Variants in PKHD1 observed in about 807,000 individuals in gnomAD.
The protein encoded by PKHD1 is PKHD1 ciliary IPT domain containing fibrocystin/polyductin.
PKHD1 carries 291 observed loss-of-function variants against 412.0 expected under a neutral mutation model. The ratio of observed to expected loss-of-function variants is 0.71; its 90% CI spans 0.64 to 0.78. The LOEUF (loss-of-function observed/expected upper bound fraction) is 0.78. PKHD1 is among the 30% of genes least tolerant of loss of function. The pLI, the probability that PKHD1 is intolerant of heterozygous loss-of-function variation, is 0.00. For missense variants in PKHD1, 4,825 were observed against 4,950.7 expected (o/e 0.97, Z 0.76); for synonymous variants, 1,777 against 1,821.5 (o/e 0.98, Z 0.62).
At chr6:52,058,654 C>A in intron 15 of PKHD1, 53 bp from the exon 16 acceptor site, 1 of 1,555,752 alleles carries the variant, frequency 6.4e-7, no homozygotes, top group South Asian at 1.1e-5. Context: ...CCAGGCATCT[C>A]TTTCTCAAAC....
chr6:52,059,265 T>C (rs867055603), intron 15 of PKHD1, among the ~76,000 whole-genome samples: 1,656 of 134,382 alleles, frequency 0.012, 21 homozygotes, highest in South Asian at 0.049. Flanking sequence ...TTTTCTTTTT[T>C]TTTTTTTTTT....
At chr6:51,762,585 G>A (rs1203933383) in intron 55 of PKHD1, among the ~76,000 whole-genome samples, 1 of 151,818 alleles carries the variant, frequency 6.6e-6, no homozygotes, top group African/African-American at 2.4e-5. Flanking sequence ...GATTGTGTAA[G>A]ATACAAGCTT....
At position 52,087,542 on chromosome 6, in the gene PKHD1, G is replaced by A. The variant is rs1487424495; in HGVS notation, c.-193C>T. 6.6e-6 allele frequency: 1 copy of A among 152,136 alleles called. No individual in the cohort carries two copies. The highest frequency in any genetic ancestry group is 1.5e-5 in the Non-Finnish European group (1 of 68,030). The allele number at this position is 152,136 out of a possible 1,614,324, so 9.4% of individuals were successfully genotyped here. A position where few individuals can be genotyped will look rare whatever the true frequency, so the allele number is the denominator to read the frequency against. On this transcript the variant is annotated 5_prime_UTR_variant, in exon 1 of 67. Coordinates refer to ENST00000371117, the MANE Select transcript of PKHD1 (RefSeq NM_138694.4). ...AATCCGTGGACATGTTATCTGGTTA[G>A]AGCTCAGCCTGCAGCCACCACGCAG...
intron 35 of PKHD1, among the ~76,000 whole-genome samples, chr6:51,997,253 A>G (rs561291107): frequency 3.9e-5 from 6 of 152,322 alleles, no homozygotes; most frequent in African/African-American, 1.4e-4. Flanking sequence ...GGGAAGAGAC[A>G]TGGAAAGAGC....
At chr6:51,739,189 CAT>C (rs952825797) in intron 60 of PKHD1, among the ~76,000 whole-genome samples, 51 of 148,800 alleles carry the variant, frequency 3.4e-4, no homozygotes, top group African/African-American at 1.2e-3. Flanking sequence ...TACACATACA[CAT>C]ATATATGTGT....
intron 62 of PKHD1, among the ~76,000 whole-genome samples, chr6:51,648,366 CTA>C (rs1456495915): frequency 2.0e-5 from 3 of 152,074 alleles, no homozygotes; most frequent in African/African-American, 7.2e-5. Context: ...GAAAGGAAAA[CTA>C]TGTTTATAGA....
chr6:52,042,280 A>G (rs571300821), intron 27 of PKHD1, among the ~76,000 whole-genome samples: 6 of 152,360 alleles, frequency 3.9e-5, no homozygotes, highest in African/African-American at 1.4e-4. Context: ...TCTAAGCTGC[A>G]GTCCTCTGGA....
At chr6:51,778,968 T>G (rs1194945795) in intron 53 of PKHD1, among the ~76,000 whole-genome samples, 2 of 152,124 alleles carry the variant, frequency 1.3e-5, no homozygotes, top group African/African-American at 2.4e-5. Context: ...TCCACCGTAA[T>G]TTATTCCTAA....
intron 36 of PKHD1, among the ~76,000 whole-genome samples, chr6:51,939,592 A>G (rs796451262): frequency 4.6e-5 from 7 of 151,624 alleles, no homozygotes; most frequent in African/African-American, 1.7e-4. Flanking sequence ...TTTCCATCCT[A>G]CAAGATCTAG....
At chr6:51,726,638 T>C (rs1055002705) in intron 60 of PKHD1, among the ~76,000 whole-genome samples, 1 of 152,208 alleles carries the variant, frequency 6.6e-6, no homozygotes, top group African/African-American at 2.4e-5. Context: ...CAAAAACTGA[T>C]GTTTATCCTA....
chr6:52,070,491 C>T (rs1422980767), intron 9 of PKHD1, 46 bp from the exon 10 acceptor site: 4 of 1,450,350 alleles, frequency 2.8e-6, no homozygotes, highest in Non-Finnish European at 3.9e-6. Flanking sequence ...CTGCACGAGT[C>T]TTCTGGGCCA....
At chr6:51,669,358 T>G (rs186992403) in intron 60 of PKHD1, among the ~76,000 whole-genome samples, 1 of 152,226 alleles carries the variant, frequency 6.6e-6, no homozygotes, top group Non-Finnish European at 1.5e-5. Context: ...TATTCTCTGA[T>G]GGTAGTTTGT....
intron 37 of PKHD1, among the ~76,000 whole-genome samples, chr6:51,929,651 A>G (rs954714691): frequency 2.6e-5 from 4 of 152,168 alleles, no homozygotes; most frequent in Middle Eastern, 3.2e-3. Flanking sequence ...ATTACACAGT[A>G]CTCATAGCAA....
At chr6:51,918,763 TCAC>T (rs1328955136) in intron 37 of PKHD1, among the ~76,000 whole-genome samples, 3 of 152,320 alleles carry the variant, frequency 2.0e-5, no homozygotes, top group African/African-American at 7.2e-5. Flanking sequence ...CCTTGAGGAA[TCAC>T]CACACTATCT....
intron 51 of PKHD1, 24 bp from the exon 52 acceptor site, chr6:51,831,013 A>C (rs777935437): frequency 1.9e-6 from 3 of 1,594,326 alleles, no homozygotes; most frequent in Non-Finnish European, 2.6e-6. Context: ...AAAAATTTTG[A>C]AAATCTAATC....
At chr6:52,006,611 A>G (rs972578117) in intron 35 of PKHD1, among the ~76,000 whole-genome samples, 1 of 152,122 alleles carries the variant, frequency 6.6e-6, no homozygotes, top group Non-Finnish European at 1.5e-5. Context: ...TCCTGACCTC[A>G]GGTGATCCAC....
rs2151627939 is a variant in PKHD1 at position 51,847,842 on chromosome 6, T to C, written c.8040A>G (p.Pro2680=). 6.2e-7 allele frequency: 1 copy of C among 1,614,026 alleles called. No individual in the cohort carries two copies. The highest frequency in any genetic ancestry group is 8.5e-7 in the Non-Finnish European group (1 of 1,179,914). The change falls in exon 50 of 67, where the codon CCA becomes CCG. Residue 2680 remains proline (P), a synonymous_variant. Transcript: ENST00000371117. ...CACAGCCTTGGTTCTGACCTGGTGATGGAAGAAATGGAAAAGACAGACCCA... is the reference window on the plus strand; with the variant it reads ...CACAGCCTTGGTTCTGACCTGGTGACGGAAGAAATGGAAAAGACAGACCCA... ...SRVGLSFPFL[P]SPGQNQGCDW...
intron 37 of PKHD1, among the ~76,000 whole-genome samples, chr6:51,925,403 G>A (rs903850473): frequency 6.6e-6 from 1 of 151,842 alleles, no homozygotes; most frequent in South Asian, 2.1e-4. Flanking sequence ...GGGCTATGGG[G>A]TACCCACAAC....
intron 50 of PKHD1, among the ~76,000 whole-genome samples, chr6:51,837,432 C>T (rs760894111): frequency 2.0e-5 from 3 of 152,112 alleles, no homozygotes; most frequent in Non-Finnish European, 2.9e-5. Context: ...AGCAGCCAGG[C>T]GCTGTGGCTC....
Sources: allele counts gnomAD v4.1 joint callset (sites outside exome capture counted in the v4.1 genomes callset), GRCh38; gene constraint gnomAD v4.1.1; transcripts MANE v1.5; gene names NCBI Gene and HGNC (gene_info 2026-07-23, HGNC 2026-07-21).